Variants in NDUFS2 observed in about 807,000 individuals in gnomAD.
NDUFS2 encodes the protein NADH dehydrogenase [ubiquinone] iron-sulfur protein 2, mitochondrial.
NDUFS2 carries 38 observed loss-of-function variants against 69.6 expected under a neutral mutation model. The ratio of observed to expected loss-of-function variants is 0.55; its 90% CI spans 0.42 to 0.72. NDUFS2 has a LOEUF of 0.72. Among genes scored for constraint, NDUFS2 ranks in the 30% least tolerant of loss-of-function variants. The pLI, the probability that NDUFS2 is intolerant of heterozygous loss-of-function variation, is 0.00. For synonymous variants in NDUFS2, 194 were observed against 211.2 expected (o/e 0.92, Z 0.70); for missense variants, 468 against 595.0 (o/e 0.79, Z 2.22).
upstream of NDUFS2, chr1:161,197,932 AG>A (rs1468600791): frequency 6.6e-6 from 10 of 1,510,720 alleles, no homozygotes; most frequent in Non-Finnish European, 8.9e-6. Context: ...GAGGGTGAAT[AG>A]GGGTCAGTAG....
At chr1:161,198,156 C>T (rs775332575), upstream of NDUFS2, 5 of 1,613,992 alleles carry the variant, frequency 3.1e-6, no homozygotes, top group South Asian at 1.1e-5. This position sits in a 1 kb window ranked among gnomAD's most constrained non-coding sequence, Gnocchi z 4.7. Context: ...TGGAGTTCAG[C>T]CCCCCGATAT....
chr1:161,203,680 T>G (rs1665297530), intron 2 of NDUFS2, 137 bp downstream of exon 2: 1 of 765,202 alleles, frequency 1.3e-6, no homozygotes. Context: ...ACTGTAGCCT[T>G]GAACTTCTGG....
chr1:161,209,508 G>C lies in NDUFS2; in HGVS notation c.540G>C (p.Leu180Phe). The C allele has an allele frequency of 6.2e-7, 1 of 1,613,818 alleles. No homozygotes were observed. Among genetic ancestry groups the C allele is most frequent in the Non-Finnish European group, 8.5e-7 (1 of 1,180,000 alleles). The change falls in exon 5 of 14, where the codon TTG (leucine) becomes TTC (phenylalanine). Residue 180 changes from leucine (L) to phenylalanine (F), a missense_variant. Physicochemically the swap from Leu to Phe is conservative, Grantham distance 22 (BLOSUM62 0). Around this residue, in one of 3 missense-constraint regions of NDUFS2, gnomAD observed 339 missense variants for 433.8 expected, o/e 0.78. Coordinates refer to ENST00000676972, the MANE Select transcript of NDUFS2 (RefSeq NM_001377299.1). ...IRVLFGEITRLLNHIMAVTTH... is the reference protein window; with the variant it reads ...IRVLFGEITRFLNHIMAVTTH... ...TGCTGTTTGGAGAAATCACACGTTT[G>C]TTGAACCACATCATGGCTGTGACCA...
At chr1:161,214,085 T>C (rs1665919595) in intron 13 of NDUFS2, 71 bp from the exon 14 acceptor site, 1 of 1,613,344 alleles carries the variant, frequency 6.2e-7, no homozygotes, top group Non-Finnish European at 8.5e-7. Flanking sequence ...GTAACACCAC[T>C]TTTTTTGTTT....
intron 3 of NDUFS2, among the ~76,000 whole-genome samples, chr1:161,207,804 A>T (rs1161553909): frequency 6.7e-6 from 1 of 149,776 alleles, no homozygotes; most frequent in African/African-American, 2.4e-5. Flanking sequence ...TCAGTATCTG[A>T]AGTTTTTTGT....
chr1:161,199,615 A>T (rs1265776169), upstream of NDUFS2: 1 of 152,438 alleles, frequency 6.6e-6, no homozygotes, highest in African/African-American at 2.4e-5. Context: ...TAAAAAAGGC[A>T]GAACATTGGG....
At position 161,209,452 on chromosome 1, in the gene NDUFS2, C is replaced by T. The variant is rs755995978; in HGVS notation, c.515-31C>T. ...TCTCTGTCCGCCTCAGTGCTTGGCT[C>T]CTATATCCTGTCTTCTCCTTGTCTT... On this transcript the variant is annotated intron_variant, in intron 4 of 13. Transcript: ENST00000676972. The T allele has an allele frequency of 3.1e-6, 5 of 1,611,568 alleles. No homozygotes were observed. The Admixed American group carries it at 5.0e-5, about 16-fold the overall frequency.
chr1:161,209,436 G>A (rs557283534), intron 4 of NDUFS2, 47 bp from the exon 5 acceptor site: 101 of 1,608,416 alleles, frequency 6.3e-5, no homozygotes, highest in East Asian at 4.5e-5. Flanking sequence ...CTCTCTGTCC[G>A]CCTCAGTGCT....
At chr1:161,198,101 G>C (rs1476816956), upstream of NDUFS2, 7 of 1,613,468 alleles carry the variant, frequency 4.3e-6, no homozygotes, top group Admixed American at 1.0e-4. The surrounding 1 kb of genome is among the most constrained non-coding windows in gnomAD (Gnocchi z 4.7). Flanking sequence ...GTGAGCCCCA[G>C]GTCCCCCAGC....
Position 161,210,108 on chromosome 1 carries a change from T to G in NDUFS2, c.703-3T>G. The G allele has an allele frequency of 6.2e-7, 1 of 1,614,090 alleles. No individual in the cohort carries two copies. The highest frequency in any genetic ancestry group is 1.1e-5 in the South Asian group (1 of 91,080). On this transcript the variant is annotated splice_polypyrimidine_tract_variant and splice_region_variant and intron_variant, in intron 6 of 13. Transcript: ENST00000676972. ...TTCAGTAGCACTTCCGTTTGGCTTC[T>G]AGGACCTACCCCTTGGGCTTATGGA...
upstream of NDUFS2, chr1:161,202,234 C>A: frequency 1.3e-6 from 1 of 743,648 alleles, no homozygotes; most frequent in African/African-American, 1.7e-5. Flanking sequence ...AGCCGAGTCA[C>A]AGGACCCGGA....
chr1:161,209,918 G>C lies in NDUFS2; in HGVS notation c.689G>C (p.Gly230Ala). 1 of 1,614,072 alleles carries C rather than the reference G, an allele frequency of 6.2e-7. No homozygotes were observed. Among genetic ancestry groups the C allele is most frequent in the South Asian group, 1.1e-5 (1 of 91,074 alleles). ...ARMHAAYIRP[G>A]GVHQDLPLGL... ...ATGCATGCTGCTTATATCCGGCCAG[G>C]AGGAGTGCACCAGGTGAGCAGGTCC... Residue 230 changes from glycine to alanine, a missense_variant, in exon 6 of 14, where the codon GGA becomes GCA. Transcript: ENST00000676972.
upstream of NDUFS2, chr1:161,198,289 G>T: frequency 6.2e-7 from 1 of 1,613,672 alleles, no homozygotes; most frequent in Non-Finnish European, 8.5e-7. The surrounding 1 kb of genome is among the most constrained non-coding windows in gnomAD (Gnocchi z 4.7). Flanking sequence ...CAGGCGCCTG[G>T]CCCAGGTACT....
chr1:161,213,673 T>C lies in NDUFS2; in HGVS notation c.1237T>C (p.Ser413Pro), dbSNP rs121434429. ...GGGAGAGTTTGGGGTGTACCTGGTGTCTGATGGCAGCAGCCGCCCTTATCG... is the reference window on the plus strand; with the variant it reads ...GGGAGAGTTTGGGGTGTACCTGGTGCCTGATGGCAGCAGCCGCCCTTATCG... ...PKGEFGVYLV[S>P]DGSSRPYRCK... Residue 413 changes from serine to proline, a missense_variant, in exon 12 of 14, where the codon TCT becomes CCT. Ser to Pro is a moderately conservative substitution (Grantham distance 74). Transcript: ENST00000676972. 1.2e-6 allele frequency: 2 copies of C among 1,614,118 alleles called. No homozygotes were observed. The highest frequency in any genetic ancestry group is 1.6e-4 in the Middle Eastern group (1 of 6,082).
chr1:161,205,906 T>TG (rs1665434447), intron 2 of NDUFS2, among the ~76,000 whole-genome samples: 1 of 152,222 alleles, frequency 6.6e-6, no homozygotes, highest in Non-Finnish European at 1.5e-5. Context: ...TTAAGATGTT[T>TG]GGATCCTGGA....
chr1:161,203,081 C>T (rs1229457760), intron 1 of NDUFS2, among the ~76,000 whole-genome samples: 1 of 152,002 alleles, frequency 6.6e-6, no homozygotes, highest in African/African-American at 2.4e-5. Flanking sequence ...CCTAGGCGGG[C>T]AGATCATCTG....
chr1:161,202,248 T>C (rs1409573524), upstream of NDUFS2: 1 of 806,288 alleles, frequency 1.2e-6, no homozygotes, highest in African/African-American at 1.7e-5. Context: ...ACCCGGATGT[T>C]GTCAGTTCGA....
rs1373270497 is a variant in NDUFS2 at position 161,210,143 on chromosome 1, T to C, written c.735T>C (p.Tyr245=). 1 of 1,614,170 alleles carries C rather than the reference T, an allele frequency of 6.2e-7. No homozygotes were observed. Among genetic ancestry groups the C allele is most frequent in the South Asian group, 1.1e-5 (1 of 91,078 alleles). The change falls in exon 7 of 14, where the codon TAT becomes TAC. Residue 245 remains tyrosine, a synonymous_variant. Coordinates refer to ENST00000676972, the MANE Select transcript of NDUFS2 (RefSeq NM_001377299.1). ...DLPLGLMDDI[Y]QFSKNFSLRL... ...CCCTTGGGCTTATGGATGACATTTA[T>C]CAGTTTTCTAAGAACTTCTCTCTTC...
At chr1:161,212,261 A>T in intron 9 of NDUFS2, 90 bp from the exon 10 acceptor site, 1 of 1,537,996 alleles carries the variant, frequency 6.5e-7, no homozygotes, top group Non-Finnish European at 8.9e-7. Context: ...AGTTGACCTA[A>T]CCCTTTTGAG....
Sources: gnomAD v4.1 joint callset for allele counts (sites outside exome capture counted in the v4.1 genomes callset) on GRCh38, gnomAD v4.1.1 for gene constraint, gnomAD v4.1.1 regional missense constraint, Gnocchi (gnomAD v3.1) non-coding constraint, MANE v1.5 for transcripts, NCBI Gene and HGNC (gene_info 2026-07-23, HGNC 2026-07-21) for gene names.